Variants in NAV2 observed in about 807,000 individuals in gnomAD.
The protein encoded by NAV2 is helicase, APC down-regulated 1.
Under a neutral mutation model 223.2 loss-of-function variants are expected in NAV2, and 54 were observed. The ratio of observed to expected loss-of-function variants is 0.24; its 90% CI spans 0.19 to 0.30. The LOEUF is 0.30. NAV2 is among the 10% of genes least tolerant of loss of function. The probability of loss-of-function intolerance (pLI) is 1.00; values close to 1 mark genes in which losing one functional copy is unlikely to be tolerated. For missense variants in NAV2, 2,806 were observed against 3,147.5 expected (o/e 0.89, Z 2.60); for synonymous variants, 1,279 against 1,239.3 (o/e 1.03, Z -0.67).
intron 1 of NAV2, among the ~76,000 whole-genome samples, chr11:19,393,065 C>T (rs1034860154): frequency 1.3e-5 from 2 of 152,186 alleles, no homozygotes; most frequent in African/African-American, 2.4e-5. Context: ...TGCTATGCCA[C>T]TGGTCACAGG....
intron 6 of NAV2, among the ~76,000 whole-genome samples, chr11:19,916,188 T>C (rs1565553519): frequency 6.6e-6 from 1 of 152,212 alleles, no homozygotes; most frequent in Non-Finnish European, 1.5e-5. Flanking sequence ...ACTAATGTTT[T>C]TGGTATATGT....
chr11:19,609,733 A>G (rs868449049), intron 1 of NAV2, among the ~76,000 whole-genome samples: 1 of 152,166 alleles, frequency 6.6e-6, no homozygotes, highest in South Asian at 2.1e-4. Context: ...TCTAGAATCA[A>G]TTGAACAAAT....
chr11:19,503,317 T>C (rs1379297330), intron 1 of NAV2: 1 of 152,218 alleles, frequency 6.6e-6, no homozygotes, highest in Non-Finnish European at 1.5e-5. Context: ...TCACTCAAAG[T>C]CCATAGTTTA....
At chr11:19,741,971 G>C (rs1379432133) in intron 1 of NAV2, among the ~76,000 whole-genome samples, 1 of 151,486 alleles carries the variant, frequency 6.6e-6, no homozygotes, top group East Asian at 1.9e-4. Flanking sequence ...ACAGTGTTCA[G>C]GGGTTACCTT....
chr11:19,450,723 T>G (rs554005036), intron 1 of NAV2, among the ~76,000 whole-genome samples: 3 of 152,310 alleles, frequency 2.0e-5, no homozygotes, highest in South Asian at 4.1e-4. Flanking sequence ...CATTCACAAC[T>G]AAATCAAGCA....
chr11:20,075,045 G>A (rs997514212), intron 22 of NAV2, among the ~76,000 whole-genome samples: 1 of 152,078 alleles, frequency 6.6e-6, no homozygotes, highest in Non-Finnish European at 1.5e-5. Context: ...TTTGCAATAT[G>A]AGGATAGTAA....
intron 1 of NAV2, among the ~76,000 whole-genome samples, chr11:19,437,342 T>A (rs1851249555): frequency 6.6e-6 from 1 of 152,132 alleles, no homozygotes; most frequent in Non-Finnish European, 1.5e-5. Context: ...TGACTGAGGA[T>A]TTCACAGTGT....
At chr11:19,550,554 CTGCAAGCAGCAT>C (rs1488962211) in intron 1 of NAV2, among the ~76,000 whole-genome samples, 19 of 152,214 alleles carry the variant, frequency 1.2e-4, no homozygotes, top group Non-Finnish European at 2.6e-4. Flanking sequence ...GCTCAATAGT[CTGCAAGCAGCAT>C]TGCAAGCAGC....
chr11:19,685,903 A>G (rs1590088163), intron 1 of NAV2, among the ~76,000 whole-genome samples: 1 of 152,296 alleles, frequency 6.6e-6, no homozygotes, highest in East Asian at 1.9e-4. Context: ...CTCAGGGCTC[A>G]GGTATTTTCT....
At chr11:19,423,371 C>T (rs953853440) in intron 1 of NAV2, among the ~76,000 whole-genome samples, 3 of 152,146 alleles carry the variant, frequency 2.0e-5, no homozygotes, top group Admixed American at 6.5e-5. Flanking sequence ...GACTAAGAAC[C>T]GTGTGCTAGG....
At chr11:19,384,188 T>C (rs1256261831) in intron 1 of NAV2, among the ~76,000 whole-genome samples, 3 of 152,196 alleles carry the variant, frequency 2.0e-5, no homozygotes, top group Non-Finnish European at 2.9e-5. Flanking sequence ...AAAACGTATA[T>C]ATGCAGAAAG....
rs760821061 is a variant in NAV2 at position 19,980,912 on chromosome 11, T to C, written c.2646-3213T>C. Among the ~76,000 whole-genome samples, 124 of 152,292 alleles carry C rather than the reference T, an allele frequency of 8.1e-4. 1 individual carries two copies. The highest frequency in any genetic ancestry group is 1.0e-3 in the Admixed American group (16 of 15,290). ...GCTCTGTCTCTGGTGCTGTGCCGTC[T>C]CCCAAGGAGAGACATACAACAGAAT... On this transcript the variant is annotated intron_variant, in intron 10 of 37. Transcript: ENST00000349880.
At chr11:19,458,278 G>A (rs1402437601) in intron 1 of NAV2, among the ~76,000 whole-genome samples, 5 of 152,190 alleles carry the variant, frequency 3.3e-5, no homozygotes, top group African/African-American at 1.2e-4. Context: ...GCTTGTGCTG[G>A]GTGACCAGCC....
intron 6 of NAV2, among the ~76,000 whole-genome samples, chr11:19,927,907 C>A (rs552173685): frequency 1.2e-4 from 19 of 152,168 alleles, no homozygotes; most frequent in Non-Finnish European, 2.5e-4. Flanking sequence ...ATTGTCACAG[C>A]TACTATTTTA....
intron 26 of NAV2, among the ~76,000 whole-genome samples, chr11:20,090,196 T>A (rs1592095022): frequency 6.6e-6 from 1 of 152,362 alleles, no homozygotes; most frequent in East Asian, 1.9e-4. Context: ...ACCCCTCAGT[T>A]GTTTAATAAA....
Position 19,984,126 on chromosome 11 carries a change from T to C in NAV2, c.2647T>C (p.Tyr883His). 2 of 1,614,154 alleles carry C rather than the reference T, an allele frequency of 1.2e-6. No homozygotes were observed. Among genetic ancestry groups the C allele is most frequent in the South Asian group, 2.2e-5 (2 of 91,082 alleles). Reference sequence around the variant, plus strand: ...CATCATCTTCTTCTCCTTTTAAAGATACATGACTGATGGTGGACTTGGCCT... The same window carrying C: ...CATCATCTTCTTCTCCTTTTAAAGACACATGACTGATGGTGGACTTGGCCT... ...NIRTDDITSG[Y>H]MTDGGLGLYT... The change falls in exon 11 of 38, where the codon TAC becomes CAC. Residue 883 changes from tyrosine to histidine, a missense_variant and splice_region_variant. Coordinates refer to ENST00000349880, the MANE Select transcript of NAV2 (RefSeq NM_145117.5).
At chr11:20,031,933 C>G (rs1197177432) in intron 11 of NAV2, among the ~76,000 whole-genome samples, 1 of 152,168 alleles carries the variant, frequency 6.6e-6, no homozygotes, top group Non-Finnish European at 1.5e-5. Flanking sequence ...CTTAGGGCAA[C>G]ATTCTTATCA....
intron 10 of NAV2, among the ~76,000 whole-genome samples, chr11:19,961,922 A>G (rs79711681): frequency 0.047 from 7,194 of 151,960 alleles, 536 homozygotes; most frequent in African/African-American, 0.16. Flanking sequence ...TGCATTAGTC[A>G]AGGTTCTCCA....
In NAV2 at chr11:19,456,640, C is replaced by T. The variant is rs534840055; in HGVS notation, c.75+105613C>T. Among the ~76,000 whole-genome samples, 5 of 152,222 alleles carry T rather than the reference C, an allele frequency of 3.3e-5. No homozygotes were observed. In the East Asian group the frequency reaches 7.7e-4, roughly 23 times the overall value. On this transcript the variant is annotated intron_variant, in intron 1 of 37. Transcript: ENST00000360655. Reference sequence around the variant, plus strand: ...ACTGACCCCAGCATCATCAAGTCAACCCCAAGTCACTGAAGCTTAACTTTT... The same window carrying T: ...ACTGACCCCAGCATCATCAAGTCAATCCCAAGTCACTGAAGCTTAACTTTT...
Sources: gnomAD v4.1 joint callset for allele counts (sites outside exome capture counted in the v4.1 genomes callset) on GRCh38, gnomAD v4.1.1 for gene constraint, MANE v1.5 for transcripts, NCBI Gene and HGNC (gene_info 2026-07-23, HGNC 2026-07-21) for gene names.